Variants in PHF12 observed in about 807,000 individuals in gnomAD.
PHF12 encodes PHD finger protein 12, also known as PHD factor 1.
Under a neutral mutation model 99.8 loss-of-function variants are expected in PHF12, and 6 were observed. The ratio of observed to expected loss-of-function variants is 0.06; its 90% CI spans 0.03 to 0.12. PHF12 has a LOEUF of 0.12. Ranked by LOEUF, PHF12 falls within the 10% of genes least tolerant of loss-of-function variation. PHF12 has a pLI of 1.00. For synonymous variants in PHF12, 480 were observed against 514.9 expected (o/e 0.93, Z 0.92); for missense variants, 954 against 1,300.1 (o/e 0.73, Z 4.09).
At chr17:28,935,566 C>G (rs1410692127) in intron 2 of PHF12, among the ~76,000 whole-genome samples, 1 of 152,216 alleles carries the variant, frequency 6.6e-6, no homozygotes, top group Non-Finnish European at 1.5e-5. Context: ...GCCACCACTC[C>G]TGGCCCCAGC....
rs2040796427 is a variant in PHF12 at position 28,950,788 on chromosome 17, C to G, written c.66+107G>C. 1 of 1,485,228 alleles carries G rather than the reference C, an allele frequency of 6.7e-7. No homozygotes were observed. Among genetic ancestry groups the G allele is most frequent in the South Asian group, 1.3e-5 (1 of 76,606 alleles). The allele number at this position is 1,485,228 out of a possible 1,614,324, so 92.0% of individuals were successfully genotyped here. On this transcript the variant is annotated intron_variant, in intron 1 of 14. Coordinates refer to ENST00000332830, the MANE Select transcript of PHF12 (RefSeq NM_001033561.2). This position sits in a 1 kb window ranked among gnomAD's most constrained non-coding sequence, Gnocchi z 5.7. ...AGAGGCTAGGTGAGGAAGAATCCCC[C>G]TCCCTCGGCCATCTAGGCGCTTCGA...
intron 9 of PHF12, 191 bp from the exon 10 acceptor site, chr17:28,911,428 C>T (rs2152656889): frequency 1.5e-6 from 1 of 686,030 alleles, no homozygotes; most frequent in Non-Finnish European, 2.4e-6. Flanking sequence ...CGACAAAGCA[C>T]CCAGGCACGC....
intron 3 of PHF12, chr17:28,925,932 T>G (rs2040264681): frequency 6.6e-6 from 1 of 152,252 alleles, no homozygotes; most frequent in Admixed American, 6.5e-5. Flanking sequence ...AGTGGCAAGT[T>G]TGAGAGGGCT....
At chr17:28,926,133 T>C (rs1285245682) in intron 3 of PHF12, 2 of 152,496 alleles carry the variant, frequency 1.3e-5, no homozygotes, top group East Asian at 1.9e-4. Context: ...ATTTGAAAAA[T>C]AATGTCTGCT....
intron 11 of PHF12, chr17:28,909,189 G>A: frequency 3.2e-6 from 1 of 315,882 alleles, no homozygotes; most frequent in Non-Finnish European, 6.0e-6. Flanking sequence ...GGTACTATAG[G>A]GAGAATATGG....
intron 2 of PHF12, among the ~76,000 whole-genome samples, chr17:28,936,722 G>A (rs1346970131): frequency 6.6e-6 from 1 of 152,078 alleles, no homozygotes; most frequent in African/African-American, 2.4e-5. Context: ...TTTTTTGGTG[G>A]GGGAAGAGGT....
intron 9 of PHF12, 107 bp downstream of exon 9, chr17:28,912,375 C>T (rs1646542013): frequency 5.5e-6 from 8 of 1,449,782 alleles, no homozygotes; most frequent in Non-Finnish European, 6.4e-6. Context: ...AATACAAAGG[C>T]CAAAGTCCTC....
intron 2 of PHF12, among the ~76,000 whole-genome samples, chr17:28,941,253 C>T (rs1598159723): frequency 6.6e-6 from 1 of 152,104 alleles, no homozygotes; most frequent in East Asian, 1.9e-4. Context: ...TTTCAGTATG[C>T]TTACCCATTA....
Position 28,951,042 on chromosome 17 carries a change from T to C in PHF12, c.-82A>G. 6.3e-7 allele frequency: 1 copy of C among 1,598,634 alleles called. No homozygotes were observed. On this transcript the variant is annotated 5_prime_UTR_variant, in exon 1 of 15. Transcript: ENST00000332830. ...GGGGGGAGGTGAGGGGAGGGGGCGC[T>C]CCTGACCCCGGCCCCGCTTTTTTCC...
At chr17:28,936,367 G>T (rs1422425591) in intron 2 of PHF12, among the ~76,000 whole-genome samples, 1 of 152,040 alleles carries the variant, frequency 6.6e-6, no homozygotes, top group Non-Finnish European at 1.5e-5. Flanking sequence ...AGAGGTAGAG[G>T]GAGAGAAAGC....
chr17:28,931,755 T>G (rs560624142), intron 2 of PHF12, among the ~76,000 whole-genome samples: 1 of 142,284 alleles, frequency 7.0e-6, no homozygotes, highest in Admixed American at 7.0e-5. Flanking sequence ...CTAATTTTTG[T>G]TTTTTTTTTA....
At chr17:28,926,176 TACAC>T (rs1468504548) in intron 3 of PHF12, 1 of 153,246 alleles carries the variant, frequency 6.5e-6, no homozygotes, top group Admixed American at 6.5e-5. Context: ...CTGAAACTGT[TACAC>T]ACATAAACCA....
chr17:28,906,792 G>C lies in PHF12; in HGVS notation c.2680+64C>G, dbSNP rs1255886071. Reference sequence around the variant, plus strand: ...GAAGGCAAGAGACAGACCATGGGCAGCAAGTCAGAACCACCCTGACTGGGG... The same window carrying C: ...GAAGGCAAGAGACAGACCATGGGCACCAAGTCAGAACCACCCTGACTGGGG... On this transcript the variant is annotated intron_variant, in intron 14 of 14. Transcript: ENST00000332830. The surrounding 1 kb of genome is among the most constrained non-coding windows in gnomAD (Gnocchi z 4.2). The C allele has an allele frequency of 6.5e-7, 1 of 1,528,850 alleles. No individual in the cohort carries two copies. The highest frequency in any genetic ancestry group is 1.4e-5 in the African/African-American group (1 of 72,310). The allele number at this position is 1,528,850 out of a possible 1,614,324, so 94.7% of individuals were successfully genotyped here.
In PHF12 at chr17:28,921,733, T is replaced by C. The variant is rs150781041; in HGVS notation, c.791A>G (p.Asn264Ser). The C allele has an allele frequency of 7.4e-6, 12 of 1,614,134 alleles. No individual in the cohort carries two copies. In the African/African-American group the frequency reaches 8.0e-5, roughly 11 times the overall value. The change falls in exon 5 of 15, where the codon AAT becomes AGT. Residue 264 changes from asparagine to serine, a missense_variant. This residue lies in a region of PHF12 where 85 missense variants were observed against 196.6 expected (regional missense o/e 0.43). Coordinates refer to ENST00000332830, the MANE Select transcript of PHF12 (RefSeq NM_001033561.2). ...TTTGACGGGTAAGGGAACGAGACCA[T>C]TGTGATCTAATTCATGCTGTGTCTT... is the stretch of plus-strand genomic sequence containing the variant. ...VKKTQHELDH[N>S]GLVPLPVKVC...
intron 3 of PHF12, 134 bp downstream of exon 3, chr17:28,926,857 G>A (rs746269070): frequency 6.4e-7 from 1 of 1,554,742 alleles, no homozygotes; most frequent in Non-Finnish European, 8.7e-7. Flanking sequence ...CATGGGAAGA[G>A]TGGGGTGATT....
chr17:28,945,937 C>T (rs1173942629), intron 2 of PHF12, among the ~76,000 whole-genome samples: 1 of 152,196 alleles, frequency 6.6e-6, no homozygotes, highest in Non-Finnish European at 1.5e-5. Context: ...AGTTCGAGAC[C>T]AGCCTGACCA....
chr17:28,914,075 T>G (rs371812579), intron 7 of PHF12, 38 bp from the exon 8 acceptor site: 3 of 1,556,754 alleles, frequency 1.9e-6, no homozygotes, highest in Admixed American at 3.4e-5. Context: ...GAGAGGGAGA[T>G]AGTTCCAACA....
Position 28,906,175 on chromosome 17 carries a change from C to T in PHF12, c.*8G>A, listed in dbSNP as rs940271736. 3.6e-5 allele frequency: 56 copies of T among 1,555,720 alleles called. No individual in the cohort carries two copies. Among genetic ancestry groups the T allele is most frequent in the Non-Finnish European group, 4.3e-5 (49 of 1,146,060 alleles). On this transcript the variant is annotated 3_prime_UTR_variant, in exon 15 of 15. Transcript: ENST00000332830. This position sits in a 1 kb window ranked among gnomAD's most constrained non-coding sequence, Gnocchi z 4.2. Reference sequence around the variant, plus strand: ...GTGTACAGGCCAGTGGCGGGGTAGCCGCCAGTCCTAAGGAACAGAGTTGGA... The same window carrying T: ...GTGTACAGGCCAGTGGCGGGGTAGCTGCCAGTCCTAAGGAACAGAGTTGGA...
intron 8 of PHF12, among the ~76,000 whole-genome samples, chr17:28,913,563 G>A (rs75221644): frequency 0.016 from 2,473 of 152,216 alleles, 60 homozygotes; most frequent in African/African-American, 0.056. Flanking sequence ...CAATTACCCC[G>A]AGCACCTGTG....
Sources: gnomAD v4.1 joint callset for allele counts (sites outside exome capture counted in the v4.1 genomes callset) on GRCh38, gnomAD v4.1.1 for gene constraint, gnomAD v4.1.1 regional missense constraint, Gnocchi (gnomAD v3.1) non-coding constraint, MANE v1.5 for transcripts, NCBI Gene and HGNC (gene_info 2026-07-23, HGNC 2026-07-21) for gene names.